The following POLR3E variants were observed in gnomAD, a reference collection of about 807,000 sequenced individuals.
POLR3E encodes RNA polymerase III subunit E, also known as DNA-directed RNA polymerase III subunit RPC5.
Under a neutral mutation model 96.6 loss-of-function variants are expected in POLR3E, and 41 were observed. That is an observed-to-expected ratio of 0.42 (90% CI 0.33 to 0.55). POLR3E has a LOEUF of 0.55. POLR3E is among the 20% of genes least tolerant of loss of function. The probability of loss-of-function intolerance (pLI) is 0.06; values close to 1 mark genes in which losing one functional copy is unlikely to be tolerated. For synonymous variants in POLR3E, 396 were observed against 383.6 expected (o/e 1.03, Z -0.38); for missense variants, 849 against 952.1 (o/e 0.89, Z 1.43).
In POLR3E at chr16:22,320,699, C is replaced by T. The variant is rs566447727; in HGVS notation, c.986+1753C>T. 5.9e-5 allele frequency among the ~76,000 whole-genome samples: 9 copies of T among 152,286 alleles called. No homozygotes were observed. In the South Asian group the frequency reaches 1.0e-3, roughly 18 times the overall value. ...TCTAAGTTTCTATCTGGGATCATTT[C>T]GTTCTGCCTAAAGAATGCTATAGTA... On this transcript the variant is annotated intron_variant, in intron 13 of 20. Coordinates refer to ENST00000299853, the MANE Select transcript of POLR3E (RefSeq NM_018119.4).
chr16:22,306,405 G>T (rs1033091840), intron 3 of POLR3E, among the ~76,000 whole-genome samples: 4 of 152,046 alleles, frequency 2.6e-5, no homozygotes, highest in Non-Finnish European at 1.5e-5. Flanking sequence ...ACAGGCACGC[G>T]CCACAAGCCC....
chr16:22,315,246 C>A, intron 9 of POLR3E, 38 bp downstream of exon 9: 1 of 1,553,274 alleles, frequency 6.4e-7, no homozygotes, highest in South Asian at 1.2e-5. Flanking sequence ...GGAAACACCT[C>A]GGTGCCCGGA....
At chr16:22,331,005 T>C (rs2048727578) in intron 19 of POLR3E, among the ~76,000 whole-genome samples, 1 of 131,738 alleles carries the variant, frequency 7.6e-6, no homozygotes, top group Admixed American at 7.8e-5. Flanking sequence ...TTTTTTTTTT[T>C]TTTTTTTTTT....
intron 17 of POLR3E, 39 bp downstream of exon 17, chr16:22,325,305 A>C (rs1225701596): frequency 9.8e-6 from 15 of 1,530,484 alleles, no homozygotes; most frequent in Non-Finnish European, 1.4e-5. Context: ...CCCGGCTCCT[A>C]CACTGTGGCT....
intron 20 of POLR3E, 87 bp downstream of exon 20, chr16:22,332,272 A>G (rs2048757136): frequency 7.9e-7 from 1 of 1,259,670 alleles, no homozygotes; most frequent in Non-Finnish European, 1.1e-6. Flanking sequence ...GTCTTTGTGT[A>G]TATGAAATCA....
In POLR3E at chr16:22,317,184, G is replaced by C. The variant is rs773402964; in HGVS notation, c.843G>C (p.Gln281His). The change falls in exon 12 of 21, where the codon CAG (glutamine) becomes CAC (histidine). Residue 281 changes from glutamine (Q) to histidine (H), a missense_variant. Gln to His is a conservative substitution (Grantham distance 24). Transcript: ENST00000299853. Reference protein sequence around the residue: ...AQLRTLPLADQIKILMKNVKV... With the variant: ...AQLRTLPLADHIKILMKNVKV... ...TGCGCACGCTGCCCCTGGCCGATCAGATCAAGATCCTGATGAAGAATGGTG... is the reference window on the plus strand; with the variant it reads ...TGCGCACGCTGCCCCTGGCCGATCACATCAAGATCCTGATGAAGAATGGTG... The C allele has an allele frequency of 1.2e-6, 2 of 1,613,242 alleles. No individual in the cohort carries two copies. The highest frequency in any genetic ancestry group is 8.5e-7 in the Non-Finnish European group (1 of 1,179,982).
intron 8 of POLR3E, 37 bp from the exon 9 acceptor site, chr16:22,315,052 G>A: frequency 5.6e-6 from 9 of 1,608,876 alleles, no homozygotes; most frequent in Non-Finnish European, 7.6e-6. Context: ...AAGGGTCACA[G>A]GCCTGACGGT....
At chr16:22,308,334 C>A in intron 4 of POLR3E, 109 bp downstream of exon 4, 1 of 825,708 alleles carries the variant, frequency 1.2e-6, no homozygotes. Context: ...GTAGGAGAAC[C>A]AGCAACTCCC....
Position 22,328,547 on chromosome 16 carries a change from A to C in POLR3E, c.1904A>C (p.Lys635Thr). The C allele has an allele frequency of 6.2e-7, 1 of 1,614,080 alleles. No homozygotes were observed. The highest frequency in any genetic ancestry group is 8.5e-7 in the Non-Finnish European group (1 of 1,179,980). Residue 635 changes from lysine to threonine, a missense_variant, in exon 19 of 21, where the codon AAG becomes ACG. By Grantham distance (78) the Lys-to-Thr change is moderately conservative. Transcript: ENST00000299853. The part of the protein sequence containing the change: ...PQTAASPDEQ[K>T]VFALWESGDM... ...ACTGCTGCTTCCCCGGATGAGCAGAAGGTGTTTGCCCTCTGGGAGTCTGGA... is the reference window on the plus strand; with the variant it reads ...ACTGCTGCTTCCCCGGATGAGCAGACGGTGTTTGCCCTCTGGGAGTCTGGA...
intron 12 of POLR3E, among the ~76,000 whole-genome samples, chr16:22,317,455 G>C (rs1406623323): frequency 6.6e-6 from 1 of 152,240 alleles, no homozygotes. Flanking sequence ...GCGGGCTCGG[G>C]TTCCTGTGCC....
In POLR3E at chr16:22,325,960, G is replaced by C; in HGVS notation, c.1548G>C (p.Glu516Asp). 1 of 1,591,722 alleles carries C rather than the reference G, an allele frequency of 6.3e-7. No individual in the cohort carries two copies. The highest frequency in any genetic ancestry group is 8.6e-7 in the Non-Finnish European group (1 of 1,168,880). Residue 516 changes from glutamate (E) to aspartate (D), a missense_variant, in exon 18 of 21, where the codon GAG (glutamate) becomes GAC (aspartate). By Grantham distance (45) the Glu-to-Asp change is conservative (BLOSUM62 2). Transcript: ENST00000299853. ...AGGACGAGGAGCAGGAGGCGGAGGA[G>C]GAGCCCATGGACACTTCCCCCAGCG... ...GEEDEEQEAE[E>D]EPMDTSPSGL... is the part of the protein sequence containing the mutation.
intron 2 of POLR3E, among the ~76,000 whole-genome samples, chr16:22,304,848 G>C (rs1434356544): frequency 6.6e-6 from 1 of 152,186 alleles, no homozygotes; most frequent in Non-Finnish European, 1.5e-5. Context: ...TGCCCAGGCT[G>C]TAGGACGTTT....
chr16:22,302,139 C>T (rs949433621), intron 1 of POLR3E, among the ~76,000 whole-genome samples: 1 of 152,060 alleles, frequency 6.6e-6, no homozygotes, highest in East Asian at 1.9e-4. Flanking sequence ...GTTGTCATGA[C>T]TTGCCCAAAG....
Position 22,322,986 on chromosome 16 carries a change from G to T in POLR3E, c.1068+55G>T. ...GTGGGGGCGTGGGAAGAGGGGGGCA[G>T]CGGTGCAGGGCTTCTGAAGACCGGG... On this transcript the variant is annotated intron_variant, in intron 14 of 20. Transcript: ENST00000299853. The surrounding 1 kb of genome is among the most constrained non-coding windows in gnomAD (Gnocchi z 5.2). The T allele has an allele frequency of 1.6e-6, 2 of 1,230,112 alleles. 1 individual carries two copies. Among genetic ancestry groups the T allele is most frequent in the South Asian group, 2.5e-5 (2 of 79,814 alleles). 76.2% of individuals were successfully genotyped at this position (1,230,112 alleles called of 1,614,324 possible).
chr16:22,328,246 C>A (rs527334082), intron 18 of POLR3E: 3 of 479,860 alleles, frequency 6.3e-6, no homozygotes, highest in African/African-American at 2.0e-5. Flanking sequence ...AGACTCGAAG[C>A]CGGGCATTTC....
chr16:22,311,842 A>G (rs1275483598), intron 6 of POLR3E, among the ~76,000 whole-genome samples: 1 of 152,120 alleles, frequency 6.6e-6, no homozygotes, highest in Non-Finnish European at 1.5e-5. Flanking sequence ...AACTGCCTAC[A>G]GTATTCAGGG....
intron 6 of POLR3E, among the ~76,000 whole-genome samples, chr16:22,311,670 A>T (rs933644027): frequency 2.7e-5 from 4 of 150,814 alleles, no homozygotes; most frequent in East Asian, 2.0e-4. Flanking sequence ...TTTTTAAAAA[A>T]TTTTTTGTTG....
At position 22,314,128 on chromosome 16, in the gene POLR3E, G is replaced by T. The variant is rs369918633; in HGVS notation, c.522G>T (p.Thr174=). The T allele has an allele frequency of 8.7e-6, 14 of 1,613,412 alleles. No individual in the cohort carries two copies. Among genetic ancestry groups the T allele is most frequent in the Non-Finnish European group, 1.0e-5 (12 of 1,179,588 alleles). The change falls in exon 8 of 21, where the codon ACG becomes ACT. Residue 174 remains threonine (T), a splice_region_variant and synonymous_variant. Transcript: ENST00000299853. ...DEAEDDVKQI[T]VRFSRPESEQ... ...CGGAAGACGATGTTAAGCAGATCAC[G>T]GTGAGCCCTGGCCCCTGGAGGAGGA...
In POLR3E at chr16:22,326,137, G is replaced by A; in HGVS notation, c.1725G>A (p.Val575=). 2 of 1,614,000 alleles carry A rather than the reference G, an allele frequency of 1.2e-6. No homozygotes were observed. The highest frequency in any genetic ancestry group is 1.7e-6 in the Non-Finnish European group (2 of 1,180,024). The change falls in exon 18 of 21, where the codon GTG becomes GTA. Residue 575 remains valine, a synonymous_variant. Coordinates refer to ENST00000299853, the MANE Select transcript of POLR3E (RefSeq NM_018119.4). ...FVEATFQRQF[V]LTLSELKRLF... ...AGGCCACCTTTCAGAGACAGTTTGT[G>A]CTCACGCTGAGCGAACTCAAGCGCC...
Sources: gnomAD v4.1 joint callset for allele counts (sites outside exome capture counted in the v4.1 genomes callset) on GRCh38, gnomAD v4.1.1 for gene constraint, Gnocchi (gnomAD v3.1) non-coding constraint, MANE v1.5 for transcripts, NCBI Gene and HGNC (gene_info 2026-07-23, HGNC 2026-07-21) for gene names.